OSBPL3: variants seen among roughly 807,000 people sequenced by gnomAD.
OSBPL3 encodes the protein oxysterol-binding protein-related protein 3.
Under a neutral mutation model 120.1 loss-of-function variants are expected in OSBPL3, and 65 were observed. The ratio of observed to expected loss-of-function variants is 0.54; its 90% confidence interval spans 0.44 to 0.67. The LOEUF (loss-of-function observed/expected upper bound fraction) is 0.67. OSBPL3 is among the 30% of genes least tolerant of loss of function. The pLI, the probability that OSBPL3 is intolerant of heterozygous loss-of-function variation, is 0.00. For missense variants in OSBPL3, 1,004 were observed against 1,082.1 expected, an observed-to-expected ratio of 0.93 and a Z score of 1.01; for synonymous variants, 416 against 402.6, an observed-to-expected ratio of 1.03 and a Z score of -0.40.
At chr7:24,907,828 G>T (rs1410265926) in intron 1 of OSBPL3, among the ~76,000 whole-genome samples, 2 of 152,164 alleles carry the variant, frequency 1.3e-5, no homozygotes, top group Non-Finnish European at 2.9e-5. Context: ...CTGACTGCTA[G>T]ATGTTGGGTC....
At chr7:24,979,613 C>T (rs1194623170) in intron 1 of OSBPL3, among the ~76,000 whole-genome samples, 5 of 152,116 alleles carry the variant, frequency 3.3e-5, no homozygotes, top group Admixed American at 6.5e-5. Flanking sequence ...CTGCGCTCGG[C>T]TCCTCCTGGC....
At chr7:24,859,552 C>T (rs1000248187) in intron 10 of OSBPL3, among the ~76,000 whole-genome samples, 12 of 152,088 alleles carry the variant, frequency 7.9e-5, no homozygotes, top group African/African-American at 2.2e-4. Context: ...TAAAAAATAA[C>T]GCTGGCCACT....
rs972835559 is a variant in OSBPL3 at position 24,831,000 on chromosome 7, T to C, written c.1747-95A>G. ...ACAAAATAAAACCTCTATGATTTTC[T>C]TTCAGAAAGCCAAAGATTTGTCTTT... On this transcript the variant is annotated intron_variant, in intron 15 of 22. Coordinates refer to ENST00000313367, the MANE Select transcript of OSBPL3 (RefSeq NM_015550.4). The surrounding 1 kb of genome is among the most constrained non-coding windows in gnomAD (Gnocchi z 4.4). 16 of 1,245,466 alleles carry C rather than the reference T, an allele frequency of 1.3e-5. No homozygotes were observed. The highest frequency in any genetic ancestry group is 1.7e-5 in the Non-Finnish European group (16 of 932,524). 77.2% of individuals were successfully genotyped at this position (1,245,466 alleles called of 1,614,324 possible).
chr7:24,956,218 T>A (rs1192968342), intron 1 of OSBPL3, among the ~76,000 whole-genome samples: 1 of 152,256 alleles, frequency 6.6e-6, no homozygotes, highest in South Asian at 2.1e-4. Flanking sequence ...ACTGAAATAC[T>A]GCAAAGCCTG....
rs1816237973 is a variant in OSBPL3 at position 24,965,254 on chromosome 7, G to A, written c.-150+14632C>T. Among the ~76,000 whole-genome samples, 1 of 152,126 alleles carries A rather than the reference G, an allele frequency of 6.6e-6. No individual in the cohort carries two copies. The highest frequency in any genetic ancestry group is 1.5e-5 in the Non-Finnish European group (1 of 68,018). On this transcript the variant is annotated intron_variant, in intron 1 of 22. Transcript: ENST00000313367. The surrounding 1 kb of genome is among the most constrained non-coding windows in gnomAD (Gnocchi z 4.3). Reference sequence around the variant, plus strand: ...AAGGAAAAAAGACAATGTAGAAGGAGCAATAAATCTACAGTAAGAAAATCT... The same window carrying A: ...AAGGAAAAAAGACAATGTAGAAGGAACAATAAATCTACAGTAAGAAAATCT...
intron 14 of OSBPL3, among the ~76,000 whole-genome samples, chr7:24,838,603 A>G (rs1797307028): frequency 1.3e-5 from 2 of 152,202 alleles, no homozygotes; most frequent in Non-Finnish European, 2.9e-5. Context: ...TCAACACAGC[A>G]CAGCTGTGGA....
rs1215102709 is a variant in OSBPL3, at chr7:24,940,723, C to CA, written c.-150+39162dup. 6.6e-6 allele frequency among the ~76,000 whole-genome samples: 1 copy of CA among 151,968 alleles called. No homozygotes were observed. Among genetic ancestry groups the CA allele is most frequent in the Admixed American group, 6.6e-5 (1 of 15,260 alleles). ...TCAATATAAGCACAGCAGAGGATAA[C>CA]AACAGGCCAGGAACTCTAAGGCAAA... On this transcript the variant is annotated intron_variant, in intron 1 of 22. Coordinates refer to ENST00000313367, the MANE Select transcript of OSBPL3 (RefSeq NM_015550.4). The surrounding 1 kb of genome is among the most constrained non-coding windows in gnomAD (Gnocchi z 4.4).
In OSBPL3 at chr7:24,980,092, G is replaced by C; in HGVS notation, c.-356C>G. The C allele has an allele frequency of 1.0e-6, 1 of 980,862 alleles. No individual in the cohort carries two copies. Among genetic ancestry groups the C allele is most frequent in the Non-Finnish European group, 1.2e-6 (1 of 825,900 alleles). The allele number at this position is 980,862 out of a possible 1,614,324, so 60.8% of individuals were successfully genotyped here. On this transcript the variant is annotated 5_prime_UTR_variant, in exon 1 of 23. Transcript: ENST00000313367. Reference sequence around the variant, plus strand: ...GCCGGAGCCGCGCTGCGCACCGGCCGCGAAGCGCTCAAGTCCCCTCTCCCG... The same window carrying C: ...GCCGGAGCCGCGCTGCGCACCGGCCCCGAAGCGCTCAAGTCCCCTCTCCCG...
rs553383493 is a variant in OSBPL3 at position 24,894,629 on chromosome 7, G to A, written c.-149-2008C>T. ...TCCACAGTGGATTAGGAATACCAGC[G>A]GAGTGTTTGTGTGTGTGTGTACAAG... On this transcript the variant is annotated intron_variant, in intron 1 of 22. Transcript: ENST00000313367. This position sits in a 1 kb window ranked among gnomAD's most constrained non-coding sequence, Gnocchi z 4.1. Among the ~76,000 whole-genome samples, 7 of 152,264 alleles carry A rather than the reference G, an allele frequency of 4.6e-5. No homozygotes were observed. The highest frequency in any genetic ancestry group is 3.9e-4 in the East Asian group (2 of 5,184).
Position 24,852,536 on chromosome 7 carries a change from G to C in OSBPL3, c.1126C>G (p.Gln376Glu). The C allele has an allele frequency of 6.2e-7, 1 of 1,603,316 alleles. No homozygotes were observed. The highest frequency in any genetic ancestry group is 8.5e-7 in the Non-Finnish European group (1 of 1,177,554). The change falls in exon 11 of 23, where the codon CAG becomes GAG. Residue 376 changes from glutamine (Q) to glutamate (E), a missense_variant. Physicochemically the swap from Gln to Glu is conservative, Grantham distance 29. This residue lies in a region of OSBPL3 where 272 missense variants were observed against 248.8 expected (regional missense o/e 1.09). Transcript: ENST00000313367. The surrounding 1 kb of genome is among the most constrained non-coding windows in gnomAD (Gnocchi z 4.1). ...AGGGCGTTCTTCAGACCAATGACCT[G>C]AGCAGACGGGGAGGAGGAGGCATCC... The part of the protein sequence containing the change: ...EQDASSSPSA[Q>E]VIGLKNALSS...
Position 24,940,827 on chromosome 7 carries a change from T to TG in OSBPL3, c.-150+39058_-150+39059insC, listed in dbSNP as rs1259118500. Among the ~76,000 whole-genome samples, 26 of 150,892 alleles carry TG rather than the reference T, an allele frequency of 1.7e-4. No homozygotes were observed. Among genetic ancestry groups the TG allele is most frequent in the African/African-American group, 5.8e-4 (24 of 41,056 alleles). On this transcript the variant is annotated intron_variant, in intron 1 of 22. Transcript: ENST00000313367. This position sits in a 1 kb window ranked among gnomAD's most constrained non-coding sequence, Gnocchi z 4.4. ...TTTCTTCCTTTTTTTTCTTTTTTTTTTTGTGTGTGTGTGACGGAGTCTCGC... is the reference window on the plus strand; with the variant it reads ...TTTCTTCCTTTTTTTTCTTTTTTTTTGTTGTGTGTGTGTGACGGAGTCTCGC...
At chr7:24,844,987 C>G (rs574477959) in intron 12 of OSBPL3, among the ~76,000 whole-genome samples, 2 of 152,090 alleles carry the variant, frequency 1.3e-5, no homozygotes, top group East Asian at 3.9e-4. Flanking sequence ...TATAGTGTCA[C>G]AGAGTAATAA....
chr7:24,971,394 G>A (rs997099046), intron 1 of OSBPL3, among the ~76,000 whole-genome samples: 3 of 152,238 alleles, frequency 2.0e-5, no homozygotes, highest in African/African-American at 7.2e-5. Context: ...AGAGGAGGCT[G>A]GAGAGGCAAG....
At chr7:24,875,865 T>C (rs757519236) in intron 2 of OSBPL3, among the ~76,000 whole-genome samples, 5 of 152,072 alleles carry the variant, frequency 3.3e-5, no homozygotes, top group Admixed American at 6.5e-5. Context: ...TAAGAGGACA[T>C]TGGTTACGTG....
intron 1 of OSBPL3, among the ~76,000 whole-genome samples, chr7:24,975,191 T>C (rs992049436): frequency 6.6e-6 from 1 of 152,160 alleles, no homozygotes; most frequent in African/African-American, 2.4e-5. Context: ...TATGAAAAAA[T>C]AGTACATAAC....
chr7:24,970,312 G>A (rs1474788392), intron 1 of OSBPL3, among the ~76,000 whole-genome samples: 1 of 151,938 alleles, frequency 6.6e-6, no homozygotes, highest in Non-Finnish European at 1.5e-5. Flanking sequence ...TCACCACGCG[G>A]CCAGGCTGGT....
At chr7:24,895,607 G>A (rs2128354354) in intron 1 of OSBPL3, among the ~76,000 whole-genome samples, 1 of 152,306 alleles carries the variant, frequency 6.6e-6, no homozygotes. Context: ...TGGTCACTTG[G>A]ATGGAGGCAA....
In OSBPL3 at chr7:24,965,119, T is replaced by C. The variant is rs1156499581; in HGVS notation, c.-150+14767A>G. On this transcript the variant is annotated intron_variant, in intron 1 of 22. Coordinates refer to ENST00000313367, the MANE Select transcript of OSBPL3 (RefSeq NM_015550.4). This position sits in a 1 kb window ranked among gnomAD's most constrained non-coding sequence, Gnocchi z 4.3. ...TTTATTCAACAATAAGTATGTGCTC[T>C]GTATTATGTCTTCAAAAAATATTTA... Among the ~76,000 whole-genome samples, 2 of 152,386 alleles carry C rather than the reference T, an allele frequency of 1.3e-5. No individual in the cohort carries two copies. Among genetic ancestry groups the C allele is most frequent in the East Asian group, 3.9e-4 (2 of 5,192 alleles).
At chr7:24,956,891 C>A (rs111571991) in intron 1 of OSBPL3, among the ~76,000 whole-genome samples, 2 of 152,166 alleles carry the variant, frequency 1.3e-5, no homozygotes, top group African/African-American at 4.8e-5. Context: ...AATGTGTTCT[C>A]TTTGTTCTAC....
Sources: allele counts gnomAD v4.1 joint callset (sites outside exome capture counted in the v4.1 genomes callset), GRCh38; gene constraint gnomAD v4.1.1; regional missense constraint gnomAD v4.1.1; non-coding constraint Gnocchi (gnomAD v3.1); transcripts MANE v1.5; gene names NCBI Gene and HGNC (gene_info 2026-07-23, HGNC 2026-07-21).